CAPN8: variants seen among roughly 807,000 people sequenced by gnomAD.
CAPN8 encodes calpain-8.
CAPN8 carries 87 observed loss-of-function variants against 80.9 expected under a neutral mutation model. The ratio of observed to expected loss-of-function variants is 1.07; its 90% CI spans 0.90 to 1.28. CAPN8 has a LOEUF of 1.28. Among genes scored for constraint, CAPN8 ranks in the 50% most tolerant of loss-of-function variants. The probability of loss-of-function intolerance (pLI) is 0.00; values close to 1 mark genes in which losing one functional copy is unlikely to be tolerated. For synonymous variants in CAPN8, 299 were observed against 273.8 expected (o/e 1.09, Z -0.91); for missense variants, 757 against 702.0 (o/e 1.08, Z -0.89).
Position 223,665,519 on chromosome 1 carries a change from C to A in CAPN8, c.128G>T (p.Gly43Val). Reference sequence around the variant, plus strand: ...GAACTCAGGGTCCTTAAATAGGACCCCTGAGTCCAAGCACTGTTGCCTCAG... The same window carrying A: ...GAACTCAGGGTCCTTAAATAGGACCACTGAGTCCAAGCACTGTTGCCTCAG... Reference protein sequence around the residue: ...KTLRQQCLDSGVLFKDPEFPA... With the variant: ...KTLRQQCLDSVVLFKDPEFPA... Residue 43 changes from glycine (G) to valine (V), a missense_variant, in exon 1 of 21, where the codon GGG (glycine) becomes GTG (valine). Coordinates refer to ENST00000366872, the MANE Select transcript of CAPN8 (RefSeq NM_001143962.2). 6.4e-7 allele frequency: 1 copy of A among 1,551,758 alleles called. No individual in the cohort carries two copies. Among genetic ancestry groups the A allele is most frequent in the Non-Finnish European group, 8.7e-7 (1 of 1,147,012 alleles).
chr1:223,648,766 GAC>G (rs1209452615), intron 2 of CAPN8, among the ~76,000 whole-genome samples: 1 of 152,152 alleles, frequency 6.6e-6, no homozygotes, highest in Non-Finnish European at 1.5e-5. Context: ...AAATGAAAAA[GAC>G]ATCCATTTCA....
At chr1:223,656,789 T>C (rs941999127) in intron 1 of CAPN8, among the ~76,000 whole-genome samples, 3 of 148,130 alleles carry the variant, frequency 2.0e-5, no homozygotes, top group Admixed American at 6.8e-5. Context: ...GTTCACGCCC[T>C]TCTCCTGCCT....
At chr1:223,635,011 G>C (rs1657876620) in intron 2 of CAPN8, among the ~76,000 whole-genome samples, 1 of 152,190 alleles carries the variant, frequency 6.6e-6, no homozygotes, top group Non-Finnish European at 1.5e-5. Context: ...ATGGAAACTG[G>C]GGCTCCTCAG....
intron 11 of CAPN8, among the ~76,000 whole-genome samples, chr1:223,610,370 C>T (rs754283233): frequency 6.6e-5 from 10 of 152,178 alleles, no homozygotes; most frequent in Non-Finnish European, 7.3e-5. Flanking sequence ...CCCACTAACC[C>T]GGCCACTAGG....
chr1:223,615,983 T>G lies in CAPN8; in HGVS notation c.1298A>C (p.Tyr433Ser). ...GCACAGCAGTACCTGGTAGACGGCA[T>G]AGCCGATGCTAAGCATGCCTTGTCC... ...RIGQGMLSIG[Y>S]AVYQVPKELE... is the part of the protein sequence containing the mutation. Residue 433 changes from tyrosine (Y) to serine (S), a missense_variant, in exon 10 of 21, where the codon TAT (tyrosine) becomes TCT (serine). By Grantham distance (144) the Tyr-to-Ser change is moderately radical. Coordinates refer to ENST00000366872, the MANE Select transcript of CAPN8 (RefSeq NM_001143962.2). The G allele has an allele frequency of 6.4e-7, 1 of 1,552,262 alleles. No individual in the cohort carries two copies.
At chr1:223,609,935 G>A (rs1018825772) in intron 11 of CAPN8, among the ~76,000 whole-genome samples, 2 of 152,278 alleles carry the variant, frequency 1.3e-5, no homozygotes, top group South Asian at 2.1e-4. Flanking sequence ...CCTAGTCTGG[G>A]GTCCCCCCAG....
chr1:223,637,643 G>C (rs546160969), intron 2 of CAPN8, among the ~76,000 whole-genome samples: 38 of 152,176 alleles, frequency 2.5e-4, no homozygotes, highest in Admixed American at 7.2e-4. Flanking sequence ...TCTCCCTTCC[G>C]GCTTAAGGGG....
intron 14 of CAPN8, among the ~76,000 whole-genome samples, chr1:223,552,010 GATGGA>G (rs1656799432): frequency 6.6e-6 from 1 of 152,210 alleles, no homozygotes; most frequent in African/African-American, 2.4e-5. Context: ...TTAACTCTCA[GATGGA>G]GAGCAGATCT....
At chr1:223,634,215 G>C (rs35133270) in intron 2 of CAPN8, among the ~76,000 whole-genome samples, 107,319 of 152,018 alleles carry the variant, frequency 0.71, 38,349 homozygotes, top group African/African-American at 0.78. Flanking sequence ...AGGTTGTGGG[G>C]TGGACCTCTG....
chr1:223,609,047 G>A (rs1389514943), intron 12 of CAPN8, 106 bp downstream of exon 12: 9 of 396,822 alleles, frequency 2.3e-5, no homozygotes, highest in Admixed American at 4.4e-5. Context: ...GGCTTCTTCT[G>A]GGAACATGTA....
chr1:223,649,398 G>A (rs1658278723), intron 2 of CAPN8, among the ~76,000 whole-genome samples: 1 of 152,216 alleles, frequency 6.6e-6, no homozygotes. Context: ...TCCCCAGGAT[G>A]CAGTGAGCAC....
chr1:223,654,469 C>A (rs1658425323), intron 1 of CAPN8, 70 bp from the exon 2 acceptor site: 2 of 1,361,920 alleles, frequency 1.5e-6, no homozygotes, highest in Admixed American at 2.0e-5. Flanking sequence ...GGGAAAGGAA[C>A]ATCAGAGTCC....
At position 223,631,049 on chromosome 1, in the gene CAPN8, A is replaced by G. The variant is rs1339983120; in HGVS notation, c.308-2269T>C. Among the ~76,000 whole-genome samples the G allele has an allele frequency of 2.6e-5, 4 of 152,060 alleles. No homozygotes were observed. In the East Asian group the frequency reaches 5.8e-4, roughly 22 times the overall value. ...ACCCTTCACAATATGACTCCAACCTACTTCTCCAGTCTTTTTCCTATTACA... is the reference window on the plus strand; with the variant it reads ...ACCCTTCACAATATGACTCCAACCTGCTTCTCCAGTCTTTTTCCTATTACA... On this transcript the variant is annotated intron_variant, in intron 2 of 20. Transcript: ENST00000366872.
At chr1:223,622,747 T>C in intron 7 of CAPN8, 68 bp downstream of exon 7, 1 of 1,182,932 alleles carries the variant, frequency 8.5e-7, no homozygotes, top group East Asian at 2.5e-5. Context: ...ATCTCATTGT[T>C]GTGTGTTTTA....
intron 2 of CAPN8, among the ~76,000 whole-genome samples, chr1:223,632,285 A>T (rs573698042): frequency 1.4e-3 from 207 of 152,362 alleles, no homozygotes; most frequent in African/African-American, 4.7e-3. Flanking sequence ...CCTCTGGAAG[A>T]TGGACATTTA....
chr1:223,658,738 G>A (rs1196487037), intron 1 of CAPN8, among the ~76,000 whole-genome samples: 10 of 152,094 alleles, frequency 6.6e-5, no homozygotes, highest in African/African-American at 9.7e-5. Flanking sequence ...ACCAGGAGGC[G>A]GAGGTTGCAG....
chr1:223,631,595 G>A (rs113024096), intron 2 of CAPN8, among the ~76,000 whole-genome samples: 35 of 152,286 alleles, frequency 2.3e-4, no homozygotes, highest in African/African-American at 8.4e-4. Context: ...ACGGATGTTT[G>A]ATGAATAAAA....
At chr1:223,549,458 A>G (rs1317671566) in intron 15 of CAPN8, 76 bp from the exon 16 acceptor site, 1 of 1,545,180 alleles carries the variant, frequency 6.5e-7, no homozygotes, top group Non-Finnish European at 8.7e-7. Context: ...ACGGTAGAAG[A>G]CCTCCAAAGA....
chr1:223,622,752 G>T, intron 7 of CAPN8, 63 bp downstream of exon 7: 1 of 1,289,944 alleles, frequency 7.8e-7, no homozygotes, highest in Non-Finnish European at 1.1e-6. Context: ...ATTGTTGTGT[G>T]TTTTACACGA....
Sources: gnomAD v4.1 joint callset for allele counts (sites outside exome capture counted in the v4.1 genomes callset) on GRCh38, gnomAD v4.1.1 for gene constraint, MANE v1.5 for transcripts, NCBI Gene and HGNC (gene_info 2026-07-23, HGNC 2026-07-21) for gene names.